The following PPM1E variants were observed in gnomAD, a reference collection of about 807,000 sequenced individuals.
PPM1E encodes the protein protein phosphatase, Mg2+/Mn2+ dependent 1E.
PPM1E carries 20 observed loss-of-function variants against 65.9 expected under a neutral mutation model. That is an observed-to-expected ratio of 0.30 (90% CI 0.21 to 0.44). The LOEUF is 0.44. PPM1E is among the 20% of genes least tolerant of loss of function. PPM1E has a pLI of 1.00. For missense variants in PPM1E, 713 were observed against 953.1 expected, an observed-to-expected ratio of 0.75 and a Z score of 3.32; for synonymous variants, 352 against 374.9, an observed-to-expected ratio of 0.94 and a Z score of 0.70.
At chr17:58,887,821 CTAGAG>C (rs1318251949) in intron 1 of PPM1E, among the ~76,000 whole-genome samples, 2 of 151,838 alleles carry the variant, frequency 1.3e-5, no homozygotes, top group Non-Finnish European at 2.9e-5. Flanking sequence ...TGTGTGGAGA[CTAGAG>C]TAGGAGGAAA....
At chr17:58,921,795 C>G (rs1324397641) in intron 1 of PPM1E, among the ~76,000 whole-genome samples, 3 of 151,118 alleles carry the variant, frequency 2.0e-5, no homozygotes, top group African/African-American at 7.3e-5. Flanking sequence ...AATCCCAGCA[C>G]TTTGGGAGGC....
At chr17:58,843,008 G>A (rs1400794887) in intron 1 of PPM1E, among the ~76,000 whole-genome samples, 3 of 151,724 alleles carry the variant, frequency 2.0e-5, no homozygotes, top group Non-Finnish European at 1.5e-5. Flanking sequence ...GAACAGGCCG[G>A]GCGCTGGGTG....
At chr17:58,761,759 A>G (rs1029505881) in intron 1 of PPM1E, among the ~76,000 whole-genome samples, 1 of 152,104 alleles carries the variant, frequency 6.6e-6, no homozygotes, top group Non-Finnish European at 1.5e-5. Context: ...TCCTTTCCAT[A>G]ATACCCAATG....
At chr17:58,941,463 G>T (rs1012814118) in intron 1 of PPM1E, among the ~76,000 whole-genome samples, 5 of 151,916 alleles carry the variant, frequency 3.3e-5, no homozygotes, top group African/African-American at 1.2e-4. Context: ...GGGAGGCTGA[G>T]GTTGGCGGGT....
At chr17:58,935,249 CA>C (rs11347335) in intron 1 of PPM1E, among the ~76,000 whole-genome samples, 90,107 of 140,280 alleles carry the variant, frequency 0.64, 27,937 homozygotes, top group African/African-American at 0.72. Context: ...GACTCCATTT[CA>C]AAAAAAAAAA....
Position 58,755,874 on chromosome 17 carries a change from T to C in PPM1E, c.-124T>C, listed in dbSNP as rs2049752521. On this transcript the variant is annotated 5_prime_UTR_variant, in exon 1 of 7. Coordinates refer to ENST00000308249, the MANE Select transcript of PPM1E (RefSeq NM_014906.5). ...GAGCCCTCTCCAGGCAACCTAGTGC[T>C]GATCGCTCGTGCCGGTGCGGCCGTT... 6.7e-7 allele frequency: 1 copy of C among 1,500,050 alleles called. No individual in the cohort carries two copies. Among genetic ancestry groups the C allele is most frequent in the Admixed American group, 2.3e-5 (1 of 43,578 alleles). 92.9% of individuals were successfully genotyped at this position (1,500,050 alleles called of 1,614,324 possible).
intron 1 of PPM1E, among the ~76,000 whole-genome samples, chr17:58,799,095 C>T (rs1250379203): frequency 6.6e-6 from 1 of 152,118 alleles, no homozygotes; most frequent in African/African-American, 2.4e-5. Context: ...TTTATTTTCC[C>T]ATCTAGATAT....
At chr17:58,910,971 G>T (rs1319903205) in intron 1 of PPM1E, among the ~76,000 whole-genome samples, 1 of 152,094 alleles carries the variant, frequency 6.6e-6, no homozygotes, top group Middle Eastern at 3.2e-3. Flanking sequence ...TCACTGTGAT[G>T]ACCTGGTAGA....
chr17:58,784,982 G>T (rs1482877409), intron 1 of PPM1E, among the ~76,000 whole-genome samples: 1 of 152,064 alleles, frequency 6.6e-6, no homozygotes, highest in Admixed American at 6.6e-5. Context: ...TGCAACCAAA[G>T]ATTTTCAATT....
At chr17:58,951,020 T>C (rs972601099) in intron 1 of PPM1E, among the ~76,000 whole-genome samples, 14 of 152,098 alleles carry the variant, frequency 9.2e-5, no homozygotes, top group Admixed American at 5.2e-4. Flanking sequence ...CCTCGTGATC[T>C]GCCCGCCTCG....
chr17:58,936,052 G>T (rs1470424376), intron 1 of PPM1E, among the ~76,000 whole-genome samples: 2 of 151,240 alleles, frequency 1.3e-5, no homozygotes, highest in Non-Finnish European at 2.9e-5. Flanking sequence ...ACCCAGAACT[G>T]CAGGAACTAG....
At chr17:58,872,437 T>C (rs936371218) in intron 1 of PPM1E, among the ~76,000 whole-genome samples, 1 of 152,218 alleles carries the variant, frequency 6.6e-6, no homozygotes, top group Non-Finnish European at 1.5e-5. Context: ...AAGTAATTTG[T>C]GTTGGTAGCA....
At chr17:58,823,322 CAT>C (rs1468775930) in intron 1 of PPM1E, among the ~76,000 whole-genome samples, 11 of 152,108 alleles carry the variant, frequency 7.2e-5, no homozygotes, top group African/African-American at 1.2e-4. Context: ...GGAAAAGAAT[CAT>C]GTGGGTATTT....
intron 1 of PPM1E, among the ~76,000 whole-genome samples, chr17:58,846,131 A>G (rs534731189): frequency 1.3e-5 from 2 of 152,188 alleles, no homozygotes; most frequent in Non-Finnish European, 2.9e-5. Context: ...TGTTATGATT[A>G]TAAATGTATA....
chr17:58,872,992 GAA>G (rs2051088042), intron 1 of PPM1E, among the ~76,000 whole-genome samples: 1 of 152,190 alleles, frequency 6.6e-6, no homozygotes, highest in Non-Finnish European at 1.5e-5. Flanking sequence ...AGTAAAAGCA[GAA>G]CTTGCAGCGG....
chr17:58,978,733 C>T (rs1212600054), intron 6 of PPM1E, among the ~76,000 whole-genome samples: 2 of 152,026 alleles, frequency 1.3e-5, no homozygotes, highest in Non-Finnish European at 2.9e-5. Flanking sequence ...TTGAGAGTCC[C>T]TTGTTGTAGT....
intron 1 of PPM1E, among the ~76,000 whole-genome samples, chr17:58,763,197 A>G (rs1407737730): frequency 6.6e-6 from 1 of 152,124 alleles, no homozygotes; most frequent in Admixed American, 6.6e-5. Context: ...TCAGTGGAGA[A>G]GGAGGAGCTG....
chr17:58,939,653 T>C (rs1331578477), intron 1 of PPM1E, among the ~76,000 whole-genome samples: 1 of 152,164 alleles, frequency 6.6e-6, no homozygotes, highest in Admixed American at 6.5e-5. Context: ...TAATTAATGA[T>C]TTTCAACATT....
intron 1 of PPM1E, among the ~76,000 whole-genome samples, chr17:58,779,978 A>G (rs975656677): frequency 1.3e-5 from 2 of 152,170 alleles, no homozygotes; most frequent in African/African-American, 4.8e-5. Flanking sequence ...TCATAATTTA[A>G]CTTTCCCATT....
Sources: allele counts gnomAD v4.1 joint callset (sites outside exome capture counted in the v4.1 genomes callset), GRCh38; gene constraint gnomAD v4.1.1; transcripts MANE v1.5; gene names NCBI Gene and HGNC (gene_info 2026-07-23, HGNC 2026-07-21).